The following DNAJC5B variants were observed in gnomAD, a reference collection of about 807,000 sequenced individuals.
The protein encoded by DNAJC5B is DnaJ heat shock protein family (Hsp40) member C5 beta, also known as dnaJ homolog subfamily C member 5B.
A neutral mutation model predicts 24.7 loss-of-function variants in DNAJC5B; 23 were observed. The observed-to-expected ratio is 0.93, with a 90% CI of 0.67 to 1.32. The LOEUF is 1.32. DNAJC5B is among the 40% of genes most tolerant of loss of function. The pLI is 0.00. For missense variants in DNAJC5B, 238 were observed against 240.8 expected (o/e 0.99, Z 0.08); for synonymous variants, 101 against 90.1 (o/e 1.12, Z -0.68).
upstream of DNAJC5B, among the ~76,000 whole-genome samples, chr8:66,020,736 T>A (rs1192633105): frequency 6.6e-6 from 1 of 151,974 alleles, no homozygotes; most frequent in African/African-American, 2.4e-5. Context: ...ATCTTGGGTT[T>A]AAGCGATCAT....
intron 5 of DNAJC5B, among the ~76,000 whole-genome samples, chr8:66,088,312 T>A (rs1261647672): frequency 6.6e-6 from 1 of 152,190 alleles, no homozygotes; most frequent in Admixed American, 6.5e-5. Flanking sequence ...AGTGGGGCCC[T>A]GGCCCTGGCC....
chr8:66,078,561 G>A (rs969160769), intron 4 of DNAJC5B, among the ~76,000 whole-genome samples: 3 of 152,072 alleles, frequency 2.0e-5, no homozygotes, highest in African/African-American at 7.2e-5. Context: ...TCAGAGAAGA[G>A]AATAATATGG....
At chr8:66,042,885 A>T (rs1806644599) in intron 1 of DNAJC5B, among the ~76,000 whole-genome samples, 1 of 152,100 alleles carries the variant, frequency 6.6e-6, no homozygotes, top group East Asian at 1.9e-4. Context: ...CTGTCTTGGT[A>T]AACAGCACAC....
At chr8:66,085,090 T>A (rs1184100119) in intron 5 of DNAJC5B, among the ~76,000 whole-genome samples, 9 of 152,182 alleles carry the variant, frequency 5.9e-5, no homozygotes. Flanking sequence ...ATCCTCTACA[T>A]GGTCTCTACT....
At chr8:66,087,097 T>C (rs1807743342) in intron 5 of DNAJC5B, among the ~76,000 whole-genome samples, 1 of 152,194 alleles carries the variant, frequency 6.6e-6, no homozygotes, top group African/African-American at 2.4e-5. Context: ...GGGTAATTTA[T>C]AAGCAAAAGA....
At chr8:66,070,687 T>C (rs950733063) in intron 3 of DNAJC5B, among the ~76,000 whole-genome samples, 22 of 152,248 alleles carry the variant, frequency 1.4e-4, no homozygotes, top group Middle Eastern at 6.8e-3. Flanking sequence ...CTTCACAGAA[T>C]TGGAAAAAAC....
intron 4 of DNAJC5B, 114 bp from the exon 5 acceptor site, chr8:66,080,263 G>C: frequency 7.0e-7 from 1 of 1,434,128 alleles, no homozygotes; most frequent in African/African-American, 1.4e-5. Context: ...CCTGTGGGGT[G>C]AACTGTGAAG....
chr8:66,053,707 G>A (rs529991169), intron 3 of DNAJC5B, among the ~76,000 whole-genome samples: 4 of 149,908 alleles, frequency 2.7e-5, no homozygotes, highest in South Asian at 2.1e-4. Flanking sequence ...TCGGCTCACC[G>A]CAACCTCCGC....
chr8:66,037,796 G>A (rs1022639734), intron 1 of DNAJC5B, among the ~76,000 whole-genome samples: 1 of 152,244 alleles, frequency 6.6e-6, no homozygotes, highest in Non-Finnish European at 1.5e-5. Flanking sequence ...GTGAGCCTTG[G>A]CTGTTTGTAT....
intron 3 of DNAJC5B, among the ~76,000 whole-genome samples, chr8:66,064,066 T>G (rs1807138613): frequency 6.6e-6 from 1 of 152,210 alleles, no homozygotes; most frequent in African/African-American, 2.4e-5. Flanking sequence ...AGTAAGATGG[T>G]TTGAGTAGCA....
intron 1 of DNAJC5B, 27 bp downstream of exon 1, chr8:66,021,732 A>G (rs1192114338): frequency 6.6e-6 from 1 of 152,220 alleles, no homozygotes; most frequent in Non-Finnish European, 1.5e-5. Flanking sequence ...GCTTAAGAAG[A>G]ATAGTATAAG....
At position 66,100,099 on chromosome 8, in the gene DNAJC5B, G is replaced by T; in HGVS notation, c.*68G>T. On this transcript the variant is annotated 3_prime_UTR_variant, in exon 6 of 6. Transcript: ENST00000276570. ...GTCTTGTCTCCAGATGGTCGTAGGGGAGCGTGTGGGGCATAAAGTGCTGTG... is the reference window on the plus strand; with the variant it reads ...GTCTTGTCTCCAGATGGTCGTAGGGTAGCGTGTGGGGCATAAAGTGCTGTG... The T allele has an allele frequency of 4.3e-6, 6 of 1,381,368 alleles. No homozygotes were observed. The South Asian group carries it at 7.7e-5, about 18-fold the overall frequency. 85.6% of individuals were successfully genotyped at this position (1,381,368 alleles called of 1,614,324 possible). A position where few individuals can be genotyped will look rare whatever the true frequency, so the allele number is the denominator to read the frequency against.
intron 5 of DNAJC5B, among the ~76,000 whole-genome samples, chr8:66,095,657 T>TGA (rs1563614395): frequency 2.3e-5 from 2 of 86,034 alleles, no homozygotes; most frequent in Non-Finnish European, 4.8e-5. Flanking sequence ...TACTTTAGCT[T>TGA]GACACACACA....
In DNAJC5B at chr8:66,051,627, A is replaced by T. The variant is rs1322547968; in HGVS notation, c.80A>T (p.His27Leu). The T allele has an allele frequency of 1.9e-6, 3 of 1,613,292 alleles. No homozygotes were observed. The highest frequency in any genetic ancestry group is 1.3e-5 in the African/African-American group (1 of 74,866). The change falls in exon 3 of 6, where the codon CAT becomes CTT. Residue 27 changes from histidine to leucine, a missense_variant. His to Leu is a moderately conservative substitution (Grantham distance 99, BLOSUM62 -3). Coordinates refer to ENST00000276570, the MANE Select transcript of DNAJC5B (RefSeq NM_033105.6). ...GEALYEILGL[H>L]KGASNEEIKK... ...GCTCTATACGAAATTCTTGGTCTGC[A>T]TAAGGGAGCATCAAATGAAGAAATT...
At chr8:66,032,193 C>T (rs1806373883) in intron 1 of DNAJC5B, among the ~76,000 whole-genome samples, 1 of 152,234 alleles carries the variant, frequency 6.6e-6, no homozygotes, top group Non-Finnish European at 1.5e-5. Flanking sequence ...ACCAGTATGG[C>T]CACTGCCTCC....
chr8:66,051,805 T>C, intron 3 of DNAJC5B, 139 bp downstream of exon 3: 1 of 667,642 alleles, frequency 1.5e-6, no homozygotes, highest in South Asian at 1.9e-5. Flanking sequence ...CTCTACAACA[T>C]AGGAGTTAGG....
At chr8:66,027,028 T>G (rs1232113086) in intron 1 of DNAJC5B, among the ~76,000 whole-genome samples, 1 of 152,208 alleles carries the variant, frequency 6.6e-6, no homozygotes, top group Non-Finnish European at 1.5e-5. Context: ...AGGATACCCA[T>G]CACCTGATCC....
intron 5 of DNAJC5B, among the ~76,000 whole-genome samples, chr8:66,088,494 G>T (rs1042522013): frequency 6.6e-6 from 1 of 152,266 alleles, no homozygotes; most frequent in East Asian, 1.9e-4. Context: ...CCCAGAAAAT[G>T]GATTTTTCTT....
chr8:66,084,535 C>T (rs1393152092), intron 5 of DNAJC5B, among the ~76,000 whole-genome samples: 2 of 152,128 alleles, frequency 1.3e-5, no homozygotes, highest in African/African-American at 4.8e-5. Flanking sequence ...TCAACCCTCA[C>T]CTCTGCATGG....
Sources: gnomAD v4.1 joint callset for allele counts (sites outside exome capture counted in the v4.1 genomes callset) on GRCh38, gnomAD v4.1.1 for gene constraint, MANE v1.5 for transcripts, NCBI Gene and HGNC (gene_info 2026-07-23, HGNC 2026-07-21) for gene names.